Variants in ARID5B observed in about 807,000 individuals in gnomAD.
ARID5B encodes AT-rich interactive domain-containing protein 5B.
Under a neutral mutation model 97.2 loss-of-function variants are expected in ARID5B, and 13 were observed. That is an observed-to-expected ratio of 0.13 (90% CI 0.09 to 0.21). The LOEUF is 0.21. Among genes scored for constraint, ARID5B ranks in the 10% least tolerant of loss-of-function variants. ARID5B has a pLI of 1.00. For synonymous variants in ARID5B, 556 were observed against 570.3 expected (o/e 0.97, Z 0.36); for missense variants, 1,210 against 1,465.3 (o/e 0.83, Z 2.84).
intron 2 of ARID5B, among the ~76,000 whole-genome samples, chr10:61,903,733 G>C (rs1286323885): frequency 2.0e-5 from 3 of 152,104 alleles, no homozygotes; most frequent in Non-Finnish European, 4.4e-5. Flanking sequence ...CGGTTTGATC[G>C]AGTTGATAGT....
chr10:61,983,753 A>C (rs1838808269), intron 3 of ARID5B, among the ~76,000 whole-genome samples: 2 of 152,144 alleles, frequency 1.3e-5, no homozygotes, highest in Admixed American at 1.3e-4. Context: ...GCCAGAAAAA[A>C]AAAAAATGAA....
At chr10:61,920,980 C>T (rs1277331564) in intron 2 of ARID5B, among the ~76,000 whole-genome samples, 1 of 152,184 alleles carries the variant, frequency 6.6e-6, no homozygotes, top group Non-Finnish European at 1.5e-5. Context: ...AAAGATCTCT[C>T]ATACAGGCAG....
rs1329917328 is a variant in ARID5B at position 62,057,211 on chromosome 10, G to A, written c.941G>A (p.Gly314Asp). ...SNEEKPKVAI[G>D]EECRADEQAF... ...GAAGAAAAACCAAAGGTTGCCATTG[G>A]TGAAGAGTGCAGGGCAGATGAACAA... is the stretch of plus-strand genomic sequence containing the variant. The change falls in exon 6 of 10, where the codon GGT becomes GAT. Residue 314 changes from glycine (G) to aspartate (D), a missense_variant. Coordinates refer to ENST00000279873, the MANE Select transcript of ARID5B (RefSeq NM_032199.3). The A allele has an allele frequency of 6.2e-7, 1 of 1,612,562 alleles. No individual in the cohort carries two copies.
intron 3 of ARID5B, among the ~76,000 whole-genome samples, chr10:61,957,790 AATGT>A (rs1838413309): frequency 6.6e-6 from 1 of 152,246 alleles, no homozygotes. Flanking sequence ...AATTTAAAAT[AATGT>A]ATGTGTCTCA....
intron 2 of ARID5B, among the ~76,000 whole-genome samples, chr10:61,917,691 C>G (rs915930827): frequency 1.3e-5 from 2 of 152,170 alleles, no homozygotes; most frequent in Admixed American, 6.5e-5. Flanking sequence ...AAAACTTTCT[C>G]ATATTTGGCC....
intron 3 of ARID5B, among the ~76,000 whole-genome samples, chr10:61,996,310 C>T (rs1255087395): frequency 6.6e-6 from 1 of 151,940 alleles, no homozygotes; most frequent in African/African-American, 2.4e-5. Context: ...GATCAAAGGC[C>T]ACCATCCTCG....
intron 3 of ARID5B, among the ~76,000 whole-genome samples, chr10:61,991,508 T>C (rs1353044574): frequency 1.3e-5 from 2 of 152,220 alleles, no homozygotes; most frequent in Non-Finnish European, 2.9e-5. Flanking sequence ...TCCTTTGCCA[T>C]TTTTAAATTG....
intron 9 of ARID5B, among the ~76,000 whole-genome samples, chr10:62,087,294 A>G (rs1277518541): frequency 2.8e-5 from 4 of 145,104 alleles, no homozygotes; most frequent in African/African-American, 1.0e-4. Context: ...GAGAGACTCT[A>G]TCTCAAAAAA....
intron 4 of ARID5B, among the ~76,000 whole-genome samples, chr10:62,035,932 C>A (rs1160404440): frequency 6.6e-6 from 1 of 152,082 alleles, no homozygotes; most frequent in Non-Finnish European, 1.5e-5. Flanking sequence ...TCAAGCAATT[C>A]TCCTGCCTCA....
chr10:62,084,626 A>C (rs542174322), intron 8 of ARID5B, among the ~76,000 whole-genome samples: 27 of 152,346 alleles, frequency 1.8e-4, no homozygotes, highest in African/African-American at 6.0e-4. Context: ...ATGCATTATA[A>C]AAACTTTAAT....
rs1843883446 is a variant in ARID5B, at chr10:61,915,404, CG to C, written c.276+12993del. On this transcript the variant is annotated intron_variant, in intron 2 of 9. Coordinates refer to ENST00000279873, the MANE Select transcript of ARID5B (RefSeq NM_032199.3). ...CTATGTCAGGGGTACATGATTTTGT[CG>C]GAAAGGTCTCAGGAGGCATTTTAGA... Among the ~76,000 whole-genome samples, 5 of 152,244 alleles carry C rather than the reference CG, an allele frequency of 3.3e-5. No individual in the cohort carries two copies. In the South Asian group the frequency reaches 1.0e-3, roughly 32 times the overall value.
intron 3 of ARID5B, among the ~76,000 whole-genome samples, chr10:61,956,209 C>A (rs1473755537): frequency 6.6e-6 from 1 of 152,194 alleles, no homozygotes; most frequent in East Asian, 1.9e-4. Context: ...CTGAGCTTCA[C>A]CTCCCATCAA....
intron 2 of ARID5B, among the ~76,000 whole-genome samples, chr10:61,909,302 T>C (rs1843759019): frequency 6.6e-6 from 1 of 150,924 alleles, no homozygotes; most frequent in Non-Finnish European, 1.5e-5. Flanking sequence ...CTGCAATATT[T>C]AGTGCTATTC....
rs755012949 is a variant in ARID5B, at chr10:62,091,205, G to A, written c.1742G>A (p.Cys581Tyr). Residue 581 changes from cysteine to tyrosine, a missense_variant, in exon 10 of 10, where the codon TGT becomes TAT. Around this residue, in one of 8 missense-constraint regions of ARID5B, gnomAD observed 800 missense variants for 839.1 expected, o/e 0.95. Coordinates refer to ENST00000279873, the MANE Select transcript of ARID5B (RefSeq NM_032199.3). ...VDSKQESKLCCFTESPESEPQ... is the reference protein window; with the variant it reads ...VDSKQESKLCYFTESPESEPQ... ...TCAAAACAAGAATCCAAACTGTGCTGTTTTACAGAGAGCCCTGAAAGTGAA... is the reference window on the plus strand; with the variant it reads ...TCAAAACAAGAATCCAAACTGTGCTATTTTACAGAGAGCCCTGAAAGTGAA... The A allele has an allele frequency of 6.2e-7, 1 of 1,614,004 alleles. No individual in the cohort carries two copies.
intron 3 of ARID5B, among the ~76,000 whole-genome samples, chr10:61,947,353 C>G (rs1023445538): frequency 6.9e-6 from 1 of 145,756 alleles, no homozygotes; most frequent in African/African-American, 2.6e-5. Context: ...ACTGTAACGT[C>G]TGCTTCCTGG....
intron 8 of ARID5B, among the ~76,000 whole-genome samples, chr10:62,074,733 T>G (rs1408689827): frequency 1.3e-5 from 2 of 152,154 alleles, no homozygotes; most frequent in African/African-American, 2.4e-5. Flanking sequence ...AGGCCACATC[T>G]CAGAATTGTA....
intron 6 of ARID5B, 111 bp from the exon 7 acceptor site, chr10:62,059,132 T>G: frequency 1.2e-6 from 1 of 840,914 alleles, no homozygotes; most frequent in Non-Finnish European, 1.8e-6. Context: ...CTGGGGTACT[T>G]TAGTATTTCT....
chr10:61,948,069 T>C (rs982467209), intron 3 of ARID5B, among the ~76,000 whole-genome samples: 1 of 152,226 alleles, frequency 6.6e-6, no homozygotes, highest in Admixed American at 6.5e-5. Context: ...CTTTTCCATT[T>C]GGAGATGTCA....
intron 3 of ARID5B, among the ~76,000 whole-genome samples, chr10:61,971,861 T>C (rs914209204): frequency 1.3e-5 from 2 of 152,190 alleles, no homozygotes; most frequent in Non-Finnish European, 2.9e-5. Flanking sequence ...GTCATCTTCT[T>C]GCTCGTTGTG....
Sources: gnomAD v4.1 joint callset for allele counts (sites outside exome capture counted in the v4.1 genomes callset) on GRCh38, gnomAD v4.1.1 for gene constraint, gnomAD v4.1.1 regional missense constraint, MANE v1.5 for transcripts, NCBI Gene and HGNC (gene_info 2026-07-23, HGNC 2026-07-21) for gene names.